The following SPATA13 variants were observed in gnomAD, a reference collection of about 807,000 sequenced individuals.
SPATA13 encodes spermatogenesis associated 13, also known as spermatogenesis-associated protein 13.
In SPATA13, 50 loss-of-function variants were observed where a neutral mutation model predicts 104.0. The observed-to-expected ratio is 0.48, with a 90% CI of 0.38 to 0.61. The LOEUF is 0.61. Ranked by LOEUF, SPATA13 falls within the 20% of genes least tolerant of loss-of-function variation. The pLI, the probability that SPATA13 is intolerant of heterozygous loss-of-function variation, is 0.00. For missense variants in SPATA13, 1,524 were observed against 1,690.6 expected (o/e 0.90, Z 1.73); for synonymous variants, 606 against 667.5 (o/e 0.91, Z 1.42).
At chr13:24,296,214 A>T (rs1416834886) in intron 10 of SPATA13, among the ~76,000 whole-genome samples, 3 of 152,216 alleles carry the variant, frequency 2.0e-5, no homozygotes, top group Non-Finnish European at 4.4e-5. Context: ...ATCTCTGAGA[A>T]CACTGAGTCC....
chr13:24,126,527 A>G (rs113565933), intron 3 of SPATA13, among the ~76,000 whole-genome samples: 1,686 of 152,124 alleles, frequency 0.011, 37 homozygotes, highest in African/African-American at 0.038. Context: ...GCATTTACGT[A>G]TATATATTTG....
chr13:24,114,228 A>G (rs1324934650), intron 3 of SPATA13, among the ~76,000 whole-genome samples: 2 of 152,264 alleles, frequency 1.3e-5, no homozygotes, highest in Admixed American at 1.3e-4. Flanking sequence ...AAGCCTACAA[A>G]AGAACAATTG....
rs1021147980 is a variant in SPATA13, at chr13:24,082,595, T to C, written c.-112+64894T>C. 1.5e-4 allele frequency among the ~76,000 whole-genome samples: 22 copies of C among 147,376 alleles called. No homozygotes were observed. In the East Asian group the frequency reaches 4.2e-3, roughly 28 times the overall value. On this transcript the variant is annotated intron_variant, in intron 3 of 14. Transcript: ENST00000424834. ...CAGCACTTTGGGAGGCCGAGGCGGG[T>C]GGATCATGAGGTCAGGAGATCGAGA...
chr13:24,094,754 T>C (rs1475862983), intron 3 of SPATA13, among the ~76,000 whole-genome samples: 1 of 152,054 alleles, frequency 6.6e-6, no homozygotes, highest in African/African-American at 2.4e-5. Context: ...CTGGGCAATA[T>C]AGCAAGACCC....
chr13:24,179,475 A>C (rs1051595387), intron 1 of SPATA13, among the ~76,000 whole-genome samples: 6 of 152,240 alleles, frequency 3.9e-5, no homozygotes, highest in African/African-American at 1.4e-4. Flanking sequence ...TATAAAACAT[A>C]AACTTTACCA....
At chr13:24,019,090 A>ATTTTTT (rs776200644) in intron 3 of SPATA13, among the ~76,000 whole-genome samples, 2 of 138,380 alleles carry the variant, frequency 1.4e-5, no homozygotes, top group African/African-American at 5.2e-5. Flanking sequence ...TATTATTATT[A>ATTTTTT]TTATTTTTTT....
chr13:24,132,847 G>A (rs986190534), intron 3 of SPATA13, among the ~76,000 whole-genome samples: 1 of 152,114 alleles, frequency 6.6e-6, no homozygotes, highest in Non-Finnish European at 1.5e-5. Context: ...GGTGGCACAC[G>A]TCTGTAGTTC....
At chr13:24,120,565 G>C (rs1018962236) in intron 3 of SPATA13, among the ~76,000 whole-genome samples, 5 of 152,168 alleles carry the variant, frequency 3.3e-5, no homozygotes, top group Admixed American at 2.6e-4. Context: ...GGCCTTGGGT[G>C]AGCCACTATA....
chr13:23,987,778 A>C (rs889462513), intron 2 of SPATA13, among the ~76,000 whole-genome samples: 5 of 151,496 alleles, frequency 3.3e-5, no homozygotes, highest in African/African-American at 9.7e-5. Flanking sequence ...CCCCTCTCCA[A>C]CCCCTGGCAA....
chr13:24,167,134 C>A (rs1196300135), intron 1 of SPATA13, among the ~76,000 whole-genome samples: 1 of 152,206 alleles, frequency 6.6e-6, no homozygotes, highest in Non-Finnish European at 1.5e-5. Context: ...TTGGGAACCA[C>A]TGTCATAGGT....
intron 4 of SPATA13, among the ~76,000 whole-genome samples, chr13:24,259,399 C>G (rs1337275767): frequency 1.3e-5 from 2 of 152,322 alleles, no homozygotes; most frequent in Admixed American, 1.3e-4. Flanking sequence ...GTTTTCTGCA[C>G]AGGATTGAGG....
At position 24,294,835 on chromosome 13, in the gene SPATA13, A is replaced by G. The variant is rs201424215; in HGVS notation, c.3177A>G (p.Ile1059Met). ...GCAAGCTGGAGAGCATCGACAAGAT[A>G]GCTCGCTGGCAGGTGTCTATCGTGG... ...RKRKLESIDKIARWQVSIVGW... is the reference protein window; with the variant it reads ...RKRKLESIDKMARWQVSIVGW... The change falls in exon 10 of 13, where the codon ATA (isoleucine) becomes ATG (methionine). Residue 1059 changes from isoleucine (I) to methionine (M), a missense_variant. Coordinates refer to ENST00000382108, the MANE Select transcript of SPATA13 (RefSeq NM_001166271.3). 309 of 1,610,796 alleles carry G rather than the reference A, an allele frequency of 1.9e-4. No homozygotes were observed. The highest frequency in any genetic ancestry group is 2.3e-4 in the Non-Finnish European group (274 of 1,177,196).
intron 3 of SPATA13, among the ~76,000 whole-genome samples, chr13:24,128,304 A>C (rs528202735): frequency 6.6e-6 from 1 of 152,284 alleles, no homozygotes; most frequent in African/African-American, 2.4e-5. Flanking sequence ...TGGCTTCATC[A>C]CCAGAAATGC....
At chr13:23,988,117 T>C (rs1875240155) in intron 2 of SPATA13, among the ~76,000 whole-genome samples, 1 of 152,030 alleles carries the variant, frequency 6.6e-6, no homozygotes, top group Non-Finnish European at 1.5e-5. Flanking sequence ...TTAATTTTTG[T>C]GTTTTTTAGT....
chr13:24,139,178 T>A (rs1471150501), intron 3 of SPATA13, among the ~76,000 whole-genome samples: 5 of 152,166 alleles, frequency 3.3e-5, no homozygotes, highest in Non-Finnish European at 7.3e-5. Context: ...AGTCTCTGCC[T>A]CTGTCTTCAC....
At chr13:24,287,947 C>T (rs529291445) in intron 7 of SPATA13, among the ~76,000 whole-genome samples, 1 of 152,338 alleles carries the variant, frequency 6.6e-6, no homozygotes, top group African/African-American at 2.4e-5. Flanking sequence ...GTGCTGAAGA[C>T]AGGTTGAAGT....
At chr13:24,071,032 A>C (rs1169309234) in intron 3 of SPATA13, among the ~76,000 whole-genome samples, 1 of 152,136 alleles carries the variant, frequency 6.6e-6, no homozygotes, top group Non-Finnish European at 1.5e-5. Flanking sequence ...ATCTGTGTAT[A>C]TATTCTGTTG....
intron 1 of SPATA13, among the ~76,000 whole-genome samples, chr13:24,163,998 T>C (rs1011410157): frequency 2.6e-5 from 4 of 152,230 alleles, no homozygotes; most frequent in Non-Finnish European, 5.9e-5. Context: ...AATGGGATCA[T>C]AACATCACAG....
rs1412021640 is a variant in SPATA13, at chr13:24,223,889, C to T, written c.960C>T (p.Val320=). The change falls in exon 2 of 13, where the codon GTC becomes GTT. Residue 320 remains valine (V), a synonymous_variant. Coordinates refer to ENST00000382108, the MANE Select transcript of SPATA13 (RefSeq NM_001166271.3). ...SPIRAKDFDR[V]FKLVSNVTEA... ...TAAGGGCCAAGGACTTTGACAGAGT[C>T]TTCAAACTTGTGAGCAATGTGACTG... 17 of 1,551,558 alleles carry T rather than the reference C, an allele frequency of 1.1e-5. No individual in the cohort carries two copies. In the African/African-American group the frequency reaches 1.4e-4, roughly 12 times the overall value.
Sources: allele counts gnomAD v4.1 joint callset (sites outside exome capture counted in the v4.1 genomes callset), GRCh38; gene constraint gnomAD v4.1.1; transcripts MANE v1.5; gene names NCBI Gene and HGNC (gene_info 2026-07-23, HGNC 2026-07-21).